Variants in ANKRD36C observed in about 807,000 individuals in gnomAD.
The protein encoded by ANKRD36C is ankyrin repeat domain 36C.
Under a neutral mutation model 276.4 loss-of-function variants are expected in ANKRD36C, and 61 were observed. That is an observed-to-expected ratio of 0.22 (90% CI 0.18 to 0.27). The LOEUF is 0.27. Ranked by LOEUF, ANKRD36C falls within the 10% of genes least tolerant of loss-of-function variation. ANKRD36C has a pLI of 1.00. For missense variants in ANKRD36C, 1,447 were observed against 2,032.3 expected, an observed-to-expected ratio of 0.71 and a Z score of 5.54; for synonymous variants, 483 against 680.1, an observed-to-expected ratio of 0.71 and a Z score of 4.51.
chr2:95,911,176 G>C (rs1392833582), intron 42 of ANKRD36C, among the ~76,000 whole-genome samples: 1 of 151,390 alleles, frequency 6.6e-6, no homozygotes, highest in Non-Finnish European at 1.5e-5. Flanking sequence ...CTTTGCTTAA[G>C]TTTCTTTCAT....
chr2:95,890,875 G>A (rs981271240), intron 46 of ANKRD36C, among the ~76,000 whole-genome samples: 1 of 151,416 alleles, frequency 6.6e-6, no homozygotes, highest in Non-Finnish European at 1.5e-5. Flanking sequence ...CTTTAAAGAA[G>A]TTTCATGAAA....
intron 59 of ANKRD36C, among the ~76,000 whole-genome samples, chr2:95,873,782 T>A (rs1343240218): frequency 6.6e-6 from 1 of 152,174 alleles, no homozygotes; most frequent in African/African-American, 2.4e-5. Flanking sequence ...GAAAACCCCA[T>A]TGTCTCAGCC....
Position 95,890,014 on chromosome 2 carries a change from C to T in ANKRD36C, c.2858-20G>A, listed in dbSNP as rs1445784392. ...AAGACACTGAAAAGCAAAAAGGATA[C>T]ATAATCACTCATACGTAAATATGAT... On this transcript the variant is annotated intron_variant, in intron 46 of 66. Transcript: ENST00000456556. 1 of 1,605,198 alleles carries T rather than the reference C, an allele frequency of 6.2e-7. No individual in the cohort carries two copies. The highest frequency in any genetic ancestry group is 8.5e-7 in the Non-Finnish European group (1 of 1,173,452).
At chr2:95,959,163 A>T (rs1161646218) in intron 10 of ANKRD36C, among the ~76,000 whole-genome samples, 1 of 152,284 alleles carries the variant, frequency 6.6e-6, no homozygotes, top group African/African-American at 2.4e-5. Flanking sequence ...CATGTTTTTC[A>T]TGTAACACAT....
At chr2:95,916,511 G>T (rs530628666) in intron 36 of ANKRD36C, among the ~76,000 whole-genome samples, 14 of 151,646 alleles carry the variant, frequency 9.2e-5, no homozygotes, top group Non-Finnish European at 1.6e-4. Context: ...GAGAATCAAC[G>T]TCAAAACAGG....
chr2:95,937,359 G>C (rs1677746738), intron 22 of ANKRD36C, among the ~76,000 whole-genome samples: 1 of 152,300 alleles, frequency 6.6e-6, no homozygotes, highest in East Asian at 1.9e-4. Context: ...CTGCTTGCTG[G>C]TATAAACAAG....
intron 48 of ANKRD36C, 150 bp from the exon 69 acceptor site, chr2:95,888,270 T>C (rs1292221967): frequency 8.5e-6 from 12 of 1,418,844 alleles, no homozygotes; most frequent in Admixed American, 2.0e-5. Context: ...GACTGGAATA[T>C]GACAGAAATA....
chr2:95,893,501 G>A (rs1404879113), intron 44 of ANKRD36C, 32 bp downstream of exon 64: 1 of 1,536,570 alleles, frequency 6.5e-7, no homozygotes, highest in African/African-American at 1.4e-5. Context: ...TATCTGGACT[G>A]AACATGACAT....
In ANKRD36C at chr2:95,889,790, C is replaced by T; in HGVS notation, c.2959+9G>A. On this transcript the variant is annotated intron_variant, in intron 48 of 66. Coordinates refer to ENST00000456556, the Ensembl canonical transcript of ANKRD36C. ...ACGAACATCCTATTAAATGTGTTTG[C>T]AAAATTACCTGTCCCAGATATTTGT... The T allele has an allele frequency of 1.3e-6, 2 of 1,580,284 alleles. No individual in the cohort carries two copies. Among genetic ancestry groups the T allele is most frequent in the Non-Finnish European group, 1.7e-6 (2 of 1,161,416 alleles).
intron 40 of ANKRD36C, among the ~76,000 whole-genome samples, chr2:95,913,504 T>A (rs2104402850): frequency 6.6e-6 from 1 of 151,616 alleles, no homozygotes; most frequent in Admixed American, 6.6e-5. Context: ...CATTGTTTCC[T>A]GCTTCCAGTA....
intron 36 of ANKRD36C, 77 bp downstream of exon 38, chr2:95,917,778 C>A: frequency 6.6e-7 from 1 of 1,516,900 alleles, no homozygotes; most frequent in East Asian, 2.5e-5. Flanking sequence ...CAACCGCCCT[C>A]CGCTGATTTA....
At chr2:95,910,663 G>T (rs1481581414) in intron 42 of ANKRD36C, 95 bp from the exon 45 acceptor site, 1 of 1,581,304 alleles carries the variant, frequency 6.3e-7, no homozygotes, top group Non-Finnish European at 8.6e-7. Context: ...CTGTCCTCCT[G>T]CCTGTATTAG....
At chr2:95,938,048 A>C (rs950183262) in intron 22 of ANKRD36C, among the ~76,000 whole-genome samples, 4 of 152,140 alleles carry the variant, frequency 2.6e-5, no homozygotes, top group African/African-American at 9.7e-5. Flanking sequence ...CACTGATTAC[A>C]AAAGCCGAGT....
intron 42 of ANKRD36C, among the ~76,000 whole-genome samples, chr2:95,909,073 T>C (rs1439305310): frequency 6.6e-6 from 1 of 150,608 alleles, no homozygotes; most frequent in Non-Finnish European, 1.5e-5. Flanking sequence ...TTATCTTTCA[T>C]GCAACAAATT....
In ANKRD36C at chr2:95,912,397, G is replaced by A; in HGVS notation, c.2580+10C>T. 1.2e-6 allele frequency: 2 copies of A among 1,604,052 alleles called. No homozygotes were observed. Among genetic ancestry groups the A allele is most frequent in the South Asian group, 2.2e-5 (2 of 90,914 alleles). ...TTACTAGCTCACAATATGAATGAGA[G>A]TTTCATTACCTTCAAGGCTGGTTTT... On this transcript the variant is annotated intron_variant, in intron 41 of 66. Coordinates refer to ENST00000456556, the Ensembl canonical transcript of ANKRD36C.
At chr2:95,849,544 C>T (rs1166103802), downstream of ANKRD36C, among the ~76,000 whole-genome samples, 1 of 152,118 alleles carries the variant, frequency 6.6e-6, no homozygotes, top group African/African-American at 2.4e-5. Context: ...GTGATTCAAG[C>T]GTATTACATC....
downstream of ANKRD36C, among the ~76,000 whole-genome samples, chr2:95,849,873 A>G (rs1675251941): frequency 6.6e-6 from 1 of 152,134 alleles, no homozygotes; most frequent in South Asian, 2.1e-4. Flanking sequence ...ATACAGATGA[A>G]GCTTCACTCG....
At chr2:95,962,063 T>C (rs1199510210) in intron 8 of ANKRD36C, among the ~76,000 whole-genome samples, 3 of 152,052 alleles carry the variant, frequency 2.0e-5, no homozygotes, top group Admixed American at 6.6e-5. Flanking sequence ...GATGGAAACA[T>C]GCTGTAGAAT....
At chr2:95,916,091 T>A (rs548598344) in intron 37 of ANKRD36C, 39 bp from the exon 40 acceptor site, 527 of 1,602,976 alleles carry the variant, frequency 3.3e-4, no homozygotes, top group Non-Finnish European at 4.2e-4. Context: ...ATAAGGTATG[T>A]TTCATAGGCT....
Sources: gnomAD v4.1 joint callset for allele counts (sites outside exome capture counted in the v4.1 genomes callset) on GRCh38, gnomAD v4.1.1 for gene constraint, MANE v1.5 for transcripts, NCBI Gene and HGNC (gene_info 2026-07-23, HGNC 2026-07-21) for gene names.